POLR3B: variants seen among roughly 807,000 people sequenced by gnomAD.
The protein encoded by POLR3B is DNA-directed RNA polymerase III subunit RPC2.
POLR3B carries 96 observed loss-of-function variants against 147.4 expected under a neutral mutation model. The observed-to-expected ratio is 0.65, with a 90% confidence interval of 0.55 to 0.77. The LOEUF is 0.77. Among genes scored for constraint, POLR3B ranks in the 30% least tolerant of loss-of-function variants. The pLI is 0.00. For missense variants in POLR3B, 1,036 were observed against 1,413.5 expected, an observed-to-expected ratio of 0.73 and a Z score of 4.28; for synonymous variants, 461 against 485.9, an observed-to-expected ratio of 0.95 and a Z score of 0.67.
chr12:106,503,699 G>T (rs1303981457), intron 26 of POLR3B, among the ~76,000 whole-genome samples: 1 of 152,176 alleles, frequency 6.6e-6, no homozygotes, highest in East Asian at 1.9e-4. Context: ...GAGACTCTTT[G>T]AAAATACTTA....
At chr12:106,464,082 C>T (rs991187276) in intron 23 of POLR3B, among the ~76,000 whole-genome samples, 7 of 152,026 alleles carry the variant, frequency 4.6e-5, no homozygotes, top group Admixed American at 3.3e-4. Context: ...TTTCAGTGGC[C>T]AGTCAAGGAT....
chr12:106,405,002 ATT>A (rs1565886361), intron 10 of POLR3B, among the ~76,000 whole-genome samples: 1 of 152,150 alleles, frequency 6.6e-6, no homozygotes, highest in Non-Finnish European at 1.5e-5. Flanking sequence ...TCCTCATTGA[ATT>A]GCTATGATAC....
At chr12:106,453,438 A>G (rs891051087) in intron 19 of POLR3B, among the ~76,000 whole-genome samples, 3 of 152,042 alleles carry the variant, frequency 2.0e-5, no homozygotes, top group African/African-American at 7.2e-5. Flanking sequence ...AACTCTGTGA[A>G]ATGGCACTTA....
At chr12:106,424,983 G>T (rs143963625) in intron 12 of POLR3B, among the ~76,000 whole-genome samples, 1 of 152,074 alleles carries the variant, frequency 6.6e-6, no homozygotes, top group African/African-American at 2.4e-5. Context: ...CTAAACACAT[G>T]TGCTATTTCT....
chr12:106,389,643 C>G (rs535024124), intron 9 of POLR3B, among the ~76,000 whole-genome samples: 1 of 151,772 alleles, frequency 6.6e-6, no homozygotes, highest in East Asian at 1.9e-4. Context: ...TGTCCTTATC[C>G]TTATGGTTGA....
At chr12:106,436,931 C>G (rs759745615) in intron 16 of POLR3B, 126 bp from the exon 17 acceptor site, 8 of 753,640 alleles carry the variant, frequency 1.1e-5, no homozygotes, top group Non-Finnish European at 1.9e-5. Context: ...TACCTGGTGT[C>G]CTCAGCAATC....
chr12:106,378,297 A>G lies in POLR3B; in HGVS notation c.527A>G (p.Lys176Arg), dbSNP rs768190013. The change falls in exon 8 of 28, where the codon AAA (lysine) becomes AGA (arginine). Residue 176 changes from lysine to arginine, a missense_variant. Lys to Arg is a conservative substitution (Grantham distance 26, BLOSUM62 2). This residue lies in a region of POLR3B where 217 missense variants were observed against 288.7 expected (regional missense o/e 0.75). Transcript: ENST00000228347. Reference protein sequence around the residue: ...GGYFIVKGVEKVILIQEQLSK... With the variant: ...GGYFIVKGVERVILIQEQLSK... ...TACTTCATTGTTAAAGGAGTAGAAA[A>G]AGTTATTCTTATCCAAGAGCAGCTG... is the stretch of plus-strand genomic sequence containing the variant. The G allele has an allele frequency of 2.5e-6, 4 of 1,613,450 alleles. No homozygotes were observed. The highest frequency in any genetic ancestry group is 2.5e-6 in the Non-Finnish European group (3 of 1,179,550).
Position 106,457,256 on chromosome 12 carries a change from G to A in POLR3B, c.2412G>A (p.Trp804Ter). The A allele has an allele frequency of 6.2e-7, 1 of 1,613,786 alleles. No individual in the cohort carries two copies. The highest frequency in any genetic ancestry group is 8.5e-7 in the Non-Finnish European group (1 of 1,179,776). The change falls in exon 21 of 28, where the codon TGG (tryptophan) becomes TGA (stop). Residue 804 changes from tryptophan (W) to a stop codon, truncating the protein, a stop_gained. Transcript: ENST00000228347. LOFTEE classifies it high-confidence loss of function. ...MLDAATRKPI[W>*]RHEILDADGI... ...ATGCTGCTACAAGGAAACCTATCTGGCGACATGAAATCTTAGATGCAGATG... is the reference window on the plus strand; with the variant it reads ...ATGCTGCTACAAGGAAACCTATCTGACGACATGAAATCTTAGATGCAGATG...
intron 2 of POLR3B, 143 bp from the exon 3 acceptor site, chr12:106,366,373 G>T: frequency 1.5e-6 from 1 of 682,830 alleles, no homozygotes; most frequent in Non-Finnish European, 2.7e-6. Context: ...AAAATTCATG[G>T]ATTATTTTTC....
At chr12:106,413,297 T>C (rs150488338) in intron 12 of POLR3B, among the ~76,000 whole-genome samples, 1 of 152,306 alleles carries the variant, frequency 6.6e-6, no homozygotes, top group East Asian at 1.9e-4. Context: ...AGAATTTTGT[T>C]AGATGTACAA....
In POLR3B at chr12:106,485,459, C is replaced by T. The variant is rs572792941; in HGVS notation, c.2714-10596C>T. Among the ~76,000 whole-genome samples, 17 of 152,108 alleles carry T rather than the reference C, an allele frequency of 1.1e-4. No homozygotes were observed. The South Asian group carries it at 2.9e-3, about 26-fold the overall frequency. ...ATTCTATATGAAAAGTGGATTGGAA[C>T]GGGCAAGGAAGGGGGCAGGGAGACC... On this transcript the variant is annotated intron_variant, in intron 23 of 27. Coordinates refer to ENST00000228347, the MANE Select transcript of POLR3B (RefSeq NM_018082.6).
intron 11 of POLR3B, 101 bp downstream of exon 11, chr12:106,406,077 A>G: frequency 1.5e-6 from 2 of 1,307,642 alleles, no homozygotes; most frequent in Non-Finnish European, 2.2e-6. Context: ...CCAATTCCTC[A>G]AGAGAAAATT....
In POLR3B at chr12:106,462,421, T is replaced by A. The variant is rs533531772; in HGVS notation, c.2571-1057T>A. ...TGCCACTATGCCCGGCTAATTTTTG[T>A]ATCTTTAGTAGAGATGGGTTTCACA... On this transcript the variant is annotated intron_variant, in intron 22 of 27. Coordinates refer to ENST00000228347, the MANE Select transcript of POLR3B (RefSeq NM_018082.6). Among the ~76,000 whole-genome samples, 3 of 152,324 alleles carry A rather than the reference T, an allele frequency of 2.0e-5. No individual in the cohort carries two copies. The South Asian group carries it at 6.2e-4, about 32-fold the overall frequency.
chr12:106,432,225 G>T (rs1264572315), intron 14 of POLR3B, 93 bp from the exon 15 acceptor site: 9 of 1,177,440 alleles, frequency 7.6e-6, no homozygotes, highest in Non-Finnish European at 7.6e-6. Flanking sequence ...GCTTTGCATT[G>T]CTGCCAGCAA....
At chr12:106,445,671 A>G (rs1282747449) in intron 19 of POLR3B, among the ~76,000 whole-genome samples, 1 of 152,162 alleles carries the variant, frequency 6.6e-6, no homozygotes, top group East Asian at 1.9e-4. Context: ...TATTTAGTAA[A>G]TTTTATTTTC....
chr12:106,404,684 T>C (rs2037125442), intron 10 of POLR3B, among the ~76,000 whole-genome samples: 1 of 152,184 alleles, frequency 6.6e-6, no homozygotes, highest in African/African-American at 2.4e-5. Context: ...TTATGTATTT[T>C]CTCCCAGTCC....
chr12:106,359,625 G>A (rs9668416), intron 1 of POLR3B, among the ~76,000 whole-genome samples: 6 of 152,234 alleles, frequency 3.9e-5, no homozygotes, highest in African/African-American at 1.4e-4. Context: ...CACCGTGCCC[G>A]GCTGCAAAAC....
intron 9 of POLR3B, among the ~76,000 whole-genome samples, chr12:106,388,348 T>C (rs1417407704): frequency 6.6e-6 from 1 of 152,008 alleles, no homozygotes; most frequent in Non-Finnish European, 1.5e-5. Flanking sequence ...AGATGGAGTC[T>C]TGCTCTGTCA....
At chr12:106,446,389 A>G (rs1230631669) in intron 19 of POLR3B, 3 of 252,080 alleles carry the variant, frequency 1.2e-5, no homozygotes, top group Non-Finnish European at 2.3e-5. Flanking sequence ...AAGAAATAAT[A>G]TTTTTATTTT....
Sources: gnomAD v4.1 joint callset for allele counts (sites outside exome capture counted in the v4.1 genomes callset) on GRCh38, gnomAD v4.1.1 for gene constraint, gnomAD v4.1.1 regional missense constraint, MANE v1.5 for transcripts, NCBI Gene and HGNC (gene_info 2026-07-23, HGNC 2026-07-21) for gene names.